The following CTSO variants were observed in gnomAD, a reference collection of about 807,000 sequenced individuals.
CTSO encodes cathepsin O.
Under a neutral mutation model 42.4 loss-of-function variants are expected in CTSO, and 40 were observed. The observed-to-expected ratio is 0.94, with a 90% CI of 0.73 to 1.23. The LOEUF (loss-of-function observed/expected upper bound fraction) is 1.23. CTSO is among the 50% of genes most tolerant of loss of function. CTSO has a pLI of 0.00. For synonymous variants in CTSO, 156 were observed against 146.2 expected (o/e 1.07, Z -0.48); for missense variants, 441 against 396.0 (o/e 1.11, Z -0.96).
intron 1 of CTSO, among the ~76,000 whole-genome samples, chr4:155,944,491 G>A (rs1486312839): frequency 6.6e-6 from 1 of 152,130 alleles, no homozygotes; most frequent in East Asian, 1.9e-4. Flanking sequence ...GAATTCAGAG[G>A]ATTCATTCAT....
At chr4:155,944,468 A>C (rs1315860431) in intron 1 of CTSO, among the ~76,000 whole-genome samples, 3 of 152,232 alleles carry the variant, frequency 2.0e-5, no homozygotes, top group African/African-American at 7.2e-5. Context: ...GCCAGAGACT[A>C]TTAACTGCTA....
intron 7 of CTSO, among the ~76,000 whole-genome samples, 165 bp from the exon 8 acceptor site, chr4:155,926,235 T>C (rs889033657): frequency 6.6e-6 from 1 of 152,142 alleles, no homozygotes; most frequent in African/African-American, 2.4e-5. Context: ...CAAAAGCAGA[T>C]ATTAGAAGAG....
chr4:155,938,417 T>C (rs898100297), intron 4 of CTSO, among the ~76,000 whole-genome samples: 5 of 152,120 alleles, frequency 3.3e-5, no homozygotes, highest in Admixed American at 3.3e-4. Flanking sequence ...TTTGATGACG[T>C]TCTACAGAAA....
At chr4:155,945,904 C>CCACA (rs1743536766) in intron 1 of CTSO, among the ~76,000 whole-genome samples, 1 of 152,022 alleles carries the variant, frequency 6.6e-6, no homozygotes, top group Non-Finnish European at 1.5e-5. Context: ...AAGGAATATA[C>CCACA]CACACACACA....
intron 1 of CTSO, 104 bp downstream of exon 1, chr4:155,953,609 G>A (rs1743716699): frequency 1.7e-6 from 2 of 1,209,254 alleles, no homozygotes; most frequent in Non-Finnish European, 2.1e-6. Context: ...AGCCACGGGT[G>A]CCCACGAGCA....
chr4:155,929,783 T>A, intron 5 of CTSO, 78 bp from the exon 6 acceptor site: 1 of 1,358,040 alleles, frequency 7.4e-7, no homozygotes, highest in Non-Finnish European at 9.9e-7. Context: ...AATCTGTGTA[T>A]GATTCTGAGT....
intron 6 of CTSO, 92 bp downstream of exon 6, chr4:155,929,450 A>C: frequency 6.7e-6 from 9 of 1,345,894 alleles, no homozygotes; most frequent in Non-Finnish European, 9.1e-6. Flanking sequence ...TAATCATAGC[A>C]GAACCAAATT....
chr4:155,943,949 T>A (rs1743485935), intron 1 of CTSO, among the ~76,000 whole-genome samples: 2 of 152,220 alleles, frequency 1.3e-5, no homozygotes, highest in South Asian at 4.1e-4. Flanking sequence ...CATGCTTCAA[T>A]TTCGTAATAC....
At chr4:155,931,146 C>T (rs952735261) in intron 5 of CTSO, among the ~76,000 whole-genome samples, 1 of 152,134 alleles carries the variant, frequency 6.6e-6, no homozygotes, top group African/African-American at 2.4e-5. Flanking sequence ...TCCCTCATTT[C>T]TAACTTATCT....
chr4:155,948,796 C>T (rs939632732), intron 1 of CTSO, among the ~76,000 whole-genome samples: 2 of 152,130 alleles, frequency 1.3e-5, no homozygotes, highest in South Asian at 4.1e-4. Context: ...GATAATGCTC[C>T]GGCTAGGGTA....
At chr4:155,935,007 G>A (rs1327574220) in intron 5 of CTSO, among the ~76,000 whole-genome samples, 7 of 152,112 alleles carry the variant, frequency 4.6e-5, no homozygotes, top group African/African-American at 7.2e-5. Context: ...TGTCCCCACC[G>A]AAGTCTCAAC....
chr4:155,952,771 A>G (rs1411993977), intron 1 of CTSO, among the ~76,000 whole-genome samples: 1 of 152,242 alleles, frequency 6.6e-6, no homozygotes, highest in Non-Finnish European at 1.5e-5. Flanking sequence ...AAATTCCAAC[A>G]AACACCAGGA....
intron 1 of CTSO, among the ~76,000 whole-genome samples, chr4:155,951,806 C>T (rs77551863): frequency 0.03 from 4,629 of 152,192 alleles, 109 homozygotes; most frequent in South Asian, 0.071. Flanking sequence ...GCTCTCTATC[C>T]CAAGTCCGAA....
intron 3 of CTSO, among the ~76,000 whole-genome samples, chr4:155,941,908 T>C (rs1443272813): frequency 6.6e-6 from 1 of 152,202 alleles, no homozygotes; most frequent in East Asian, 1.9e-4. Flanking sequence ...CATTTTACTT[T>C]TTCACTTTTT....
intron 4 of CTSO, among the ~76,000 whole-genome samples, chr4:155,938,469 G>A (rs140841110): frequency 5.9e-5 from 9 of 152,156 alleles, no homozygotes; most frequent in Admixed American, 3.9e-4. Flanking sequence ...AGTTGATATC[G>A]GATCTGGGAC....
intron 1 of CTSO, among the ~76,000 whole-genome samples, chr4:155,945,839 G>T (rs928972108): frequency 6.6e-6 from 1 of 152,050 alleles, no homozygotes; most frequent in South Asian, 2.1e-4. Flanking sequence ...TGCTAGGTTG[G>T]TTTAAAATTT....
rs1743388596 is a variant in CTSO at position 155,939,426 on chromosome 4, T to C, written c.497A>G (p.Asn166Ser). The C allele has an allele frequency of 3.7e-6, 6 of 1,613,990 alleles. No individual in the cohort carries two copies. Among genetic ancestry groups the C allele is most frequent in the Non-Finnish European group, 4.2e-6 (5 of 1,179,980 alleles). The change falls in exon 4 of 8, where the codon AAT (asparagine) becomes AGT (serine). Residue 166 changes from asparagine (N) to serine (S), a missense_variant. Coordinates refer to ENST00000433477, the MANE Select transcript of CTSO (RefSeq NM_001334.3). ...AGAGCCTCCATTGCAGCCATAATTA[T>C]TATACGAACAGTCAATGACCTGCTG... ...SVQQVIDCSY[N>S]NYGCNGGSTL... is the part of the protein sequence containing the mutation.
At chr4:155,950,581 C>G (rs1743655410) in intron 1 of CTSO, among the ~76,000 whole-genome samples, 1 of 152,094 alleles carries the variant, frequency 6.6e-6, no homozygotes, top group Admixed American at 6.5e-5. Context: ...ACAGGAGTCT[C>G]AAAACCCTGG....
At chr4:155,941,083 G>A (rs1455706210) in intron 3 of CTSO, among the ~76,000 whole-genome samples, 1 of 152,200 alleles carries the variant, frequency 6.6e-6, no homozygotes, top group Non-Finnish European at 1.5e-5. Flanking sequence ...TGATTTGGTG[G>A]TAAAACTTAA....
Sources: allele counts gnomAD v4.1 joint callset (sites outside exome capture counted in the v4.1 genomes callset), GRCh38; gene constraint gnomAD v4.1.1; transcripts MANE v1.5; gene names NCBI Gene and HGNC (gene_info 2026-07-23, HGNC 2026-07-21).